PRR16: variants seen among roughly 807,000 people sequenced by gnomAD.
The protein encoded by PRR16 is proline rich 16, also known as protein Largen.
Under a neutral mutation model 18.2 loss-of-function variants are expected in PRR16, and 6 were observed. The ratio of observed to expected loss-of-function variants is 0.33; its 90% CI spans 0.18 to 0.65. The LOEUF is 0.65. Ranked by LOEUF, PRR16 falls within the 30% of genes least tolerant of loss-of-function variation. The pLI is 0.74. For missense variants in PRR16, 412 were observed against 376.6 expected, an observed-to-expected ratio of 1.09 and a Z score of -0.78; for synonymous variants, 151 against 147.8, an observed-to-expected ratio of 1.02 and a Z score of -0.16.
chr5:120,545,759 G>C (rs905854071), intron 1 of PRR16, among the ~76,000 whole-genome samples: 1 of 151,850 alleles, frequency 6.6e-6, no homozygotes, highest in South Asian at 2.1e-4. Context: ...TTAAAAATTT[G>C]GGTAGCCTTA....
chr5:120,563,423 A>T lies in PRR16; in HGVS notation c.159+98778A>T, dbSNP rs183501822. Reference sequence around the variant, plus strand: ...GAAATTAGCCTGATGTTCTGGTTTTACTAAAGCTAAGCTGGCATCAAACCA... The same window carrying T: ...GAAATTAGCCTGATGTTCTGGTTTTTCTAAAGCTAAGCTGGCATCAAACCA... On this transcript the variant is annotated intron_variant, in intron 1 of 1. Transcript: ENST00000407149. Among the ~76,000 whole-genome samples, 32 of 152,334 alleles carry T rather than the reference A, an allele frequency of 2.1e-4. No individual in the cohort carries two copies. In the South Asian group the frequency reaches 2.7e-3, roughly 13 times the overall value.
chr5:120,700,107 G>T, the PRR16 span, among the ~76,000 whole-genome samples: 2 of 152,236 alleles, frequency 1.3e-5, no homozygotes, highest in South Asian at 2.1e-4. Flanking sequence ...GTAGAGGCAG[G>T]TATTGAGGAT....
At chr5:120,587,690 T>C (rs931557901) in intron 1 of PRR16, among the ~76,000 whole-genome samples, 23 of 152,312 alleles carry the variant, frequency 1.5e-4, no homozygotes, top group African/African-American at 5.5e-4. Flanking sequence ...TCATTGGCAA[T>C]GCACCTGGTC....
At chr5:120,502,480 A>T (rs1304936658) in intron 1 of PRR16, among the ~76,000 whole-genome samples, 1 of 151,900 alleles carries the variant, frequency 6.6e-6, no homozygotes, top group Non-Finnish European at 1.5e-5. Context: ...GCCAAAAAAT[A>T]GTTCTTTTAT....
intron 1 of PRR16, among the ~76,000 whole-genome samples, chr5:120,583,313 A>ATG (rs35255792): frequency 0.017 from 2,522 of 149,074 alleles, 33 homozygotes; most frequent in Middle Eastern, 0.027. Flanking sequence ...ATACAAAATA[A>ATG]TGTGTGTGTG....
At chr5:120,667,239 C>A (rs951632718) in intron 1 of PRR16, among the ~76,000 whole-genome samples, 18 of 148,840 alleles carry the variant, frequency 1.2e-4, no homozygotes, top group African/African-American at 4.2e-4. Flanking sequence ...AGTTTATTTG[C>A]GTAGAGGTGT....
chr5:120,492,363 G>C (rs6899189), intron 1 of PRR16, among the ~76,000 whole-genome samples: 151,969 of 151,972 alleles, frequency 1, 75,983 homozygotes, highest in Middle Eastern at 1. Context: ...TCAAGTGATT[G>C]TCTCACCTTA....
intron 1 of PRR16, among the ~76,000 whole-genome samples, chr5:120,646,797 G>A (rs943245006): frequency 2.0e-5 from 3 of 151,914 alleles, no homozygotes; most frequent in Non-Finnish European, 2.9e-5. Context: ...AATGTTACAG[G>A]TGAGAATTGA....
chr5:120,732,929 T>C, the PRR16 span, among the ~76,000 whole-genome samples: 8 of 152,156 alleles, frequency 5.3e-5, no homozygotes, highest in Admixed American at 1.3e-4. Context: ...AGATGACATG[T>C]CTGTTAGCTC....
chr5:120,571,264 G>A (rs1039750216), intron 1 of PRR16, among the ~76,000 whole-genome samples: 2 of 152,176 alleles, frequency 1.3e-5, no homozygotes, highest in African/African-American at 4.8e-5. Flanking sequence ...CACAGATGCA[G>A]TGTGTTTATG....
chr5:120,647,947 C>T (rs1301553359), intron 1 of PRR16, among the ~76,000 whole-genome samples: 1 of 151,924 alleles, frequency 6.6e-6, no homozygotes, highest in Admixed American at 6.6e-5. Context: ...TTTAGCTGTG[C>T]AGAGAGGACT....
At chr5:120,661,532 G>T (rs1345428575) in intron 1 of PRR16, among the ~76,000 whole-genome samples, 1 of 151,882 alleles carries the variant, frequency 6.6e-6, no homozygotes, top group Non-Finnish European at 1.5e-5. Flanking sequence ...TGTAATAATG[G>T]AGTCAATATG....
At chr5:120,580,313 T>G (rs1292260945) in intron 1 of PRR16, among the ~76,000 whole-genome samples, 1 of 152,156 alleles carries the variant, frequency 6.6e-6, no homozygotes, top group African/African-American at 2.4e-5. Context: ...TGTATCAGTT[T>G]TCAAAGGGAA....
chr5:120,751,245 A>C, the PRR16 span, among the ~76,000 whole-genome samples: 4 of 152,190 alleles, frequency 2.6e-5, no homozygotes, highest in Non-Finnish European at 5.9e-5. Flanking sequence ...GCTTCAATAA[A>C]TATGGGTGTA....
chr5:120,546,934 A>AT (rs1324391540), intron 1 of PRR16, among the ~76,000 whole-genome samples: 1 of 152,096 alleles, frequency 6.6e-6, no homozygotes, highest in Non-Finnish European at 1.5e-5. Flanking sequence ...TCGGCTAGTT[A>AT]TATCGATACT....
the PRR16 span, among the ~76,000 whole-genome samples, chr5:120,706,348 C>T: frequency 1.0e-4 from 4 of 39,534 alleles, no homozygotes; most frequent in Non-Finnish European, 1.9e-4. Flanking sequence ...ATTTTCACTC[C>T]GTACTTGAAA....
chr5:120,555,909 C>CA (rs1219494212), intron 1 of PRR16, among the ~76,000 whole-genome samples: 1 of 150,380 alleles, frequency 6.6e-6, no homozygotes, highest in Non-Finnish European at 1.5e-5. Context: ...CCATTGTCAC[C>CA]TTTATGTTTT....
the PRR16 span, among the ~76,000 whole-genome samples, chr5:120,754,623 T>TA: frequency 1.5e-4 from 9 of 61,088 alleles, no homozygotes; most frequent in Non-Finnish European, 2.6e-4. Flanking sequence ...TATTATATAT[T>TA]TATATATAAT....
At chr5:120,528,191 A>T (rs1159619365) in intron 1 of PRR16, among the ~76,000 whole-genome samples, 3 of 152,204 alleles carry the variant, frequency 2.0e-5, no homozygotes, top group Non-Finnish European at 4.4e-5. Flanking sequence ...GAATGGAGAA[A>T]TCAGGTCAAT....
Sources: allele counts gnomAD v4.1 joint callset (sites outside exome capture counted in the v4.1 genomes callset), GRCh38; gene constraint gnomAD v4.1.1; transcripts MANE v1.5; gene names NCBI Gene and HGNC (gene_info 2026-07-23, HGNC 2026-07-21).